Variants in OR2L13 observed in about 807,000 individuals in gnomAD.
OR2L13 encodes olfactory receptor 2L13.
OR2L13 carries 14 observed loss-of-function variants against 15.3 expected under a neutral mutation model. That is an observed-to-expected ratio of 0.91 (90% confidence interval 0.60 to 1.43). The LOEUF (loss-of-function observed/expected upper bound fraction) is 1.43. OR2L13 is among the 40% of genes most tolerant of loss of function. OR2L13 has a pLI of 0.00. For synonymous variants in OR2L13, 152 were observed against 142.9 expected (o/e 1.06, Z -0.45); for missense variants, 367 against 387.9 (o/e 0.95, Z 0.45).
chr1:248,038,888 G>A, the OR2L13 span: 9 of 1,613,978 alleles, frequency 5.6e-6, no homozygotes, highest in African/African-American at 2.7e-5. Context: ...TCTTTCTTGT[G>A]CTTCCTTTCA....
upstream of OR2L13, among the ~76,000 whole-genome samples, chr1:248,092,728 A>G (rs142531210): frequency 3.9e-5 from 6 of 152,322 alleles, no homozygotes; most frequent in African/African-American, 9.6e-5. Flanking sequence ...TCATGGAGAC[A>G]CCATCACAGA....
chr1:247,971,988 T>G, the OR2L13 span, among the ~76,000 whole-genome samples: 1 of 152,158 alleles, frequency 6.6e-6, no homozygotes, highest in Non-Finnish European at 1.5e-5. Flanking sequence ...TACAACTACA[T>G]GGAAACTGAA....
the OR2L13 span, among the ~76,000 whole-genome samples, chr1:247,989,360 C>A: frequency 6.6e-6 from 1 of 152,022 alleles, no homozygotes; most frequent in East Asian, 1.9e-4. Flanking sequence ...AAAAAATCAT[C>A]CTGAAAAAGT....
At chr1:247,966,795 T>A in the OR2L13 span, among the ~76,000 whole-genome samples, 1 of 152,206 alleles carries the variant, frequency 6.6e-6, no homozygotes, top group Non-Finnish European at 1.5e-5. Flanking sequence ...CATGCTTGAT[T>A]AATAATGTTT....
chr1:248,037,205 AAAT>A, the OR2L13 span, among the ~76,000 whole-genome samples: 1 of 152,198 alleles, frequency 6.6e-6, no homozygotes, highest in African/African-American at 2.4e-5. Context: ...TAGAAGAACC[AAAT>A]AATGATGTCT....
the OR2L13 span, among the ~76,000 whole-genome samples, chr1:247,994,374 G>A: frequency 2.6e-5 from 4 of 152,126 alleles, no homozygotes; most frequent in Non-Finnish European, 5.9e-5. Flanking sequence ...TCCAGCCGGG[G>A]CGACAGAGCG....
chr1:248,015,060 G>A, the OR2L13 span, among the ~76,000 whole-genome samples: 1 of 152,094 alleles, frequency 6.6e-6, no homozygotes, highest in African/African-American at 2.4e-5. Flanking sequence ...ATGCACTATC[G>A]TGGACCTCAA....
the OR2L13 span, among the ~76,000 whole-genome samples, chr1:248,071,727 C>G: frequency 6.7e-6 from 1 of 150,084 alleles, no homozygotes; most frequent in African/African-American, 2.5e-5. Flanking sequence ...TCTAGAAAAC[C>G]CCATTGTCTC....
the OR2L13 span, chr1:247,974,882 C>A: frequency 4.1e-6 from 1 of 244,330 alleles, no homozygotes; most frequent in Non-Finnish European, 9.1e-6. Flanking sequence ...TGATCCTTCT[C>A]ATCTTCTTGG....
At chr1:248,013,258 A>G in the OR2L13 span, among the ~76,000 whole-genome samples, 4 of 152,190 alleles carry the variant, frequency 2.6e-5, no homozygotes, top group Non-Finnish European at 5.9e-5. Context: ...CTTGCTATAA[A>G]TGCAGTGAAT....
chr1:247,965,851 CA>C, the OR2L13 span: 4 of 1,613,762 alleles, frequency 2.5e-6, no homozygotes, highest in Non-Finnish European at 3.4e-6. Flanking sequence ...TGCTTTCATA[CA>C]TACATTGTAT....
chr1:247,957,101 T>G, the OR2L13 span, among the ~76,000 whole-genome samples: 3 of 152,166 alleles, frequency 2.0e-5, no homozygotes, highest in African/African-American at 4.8e-5. Context: ...TAGCTCTTAT[T>G]ATTTTGAGAT....
chr1:248,060,531 C>T, the OR2L13 span: 2 of 635,116 alleles, frequency 3.1e-6, no homozygotes, highest in South Asian at 2.1e-5. Flanking sequence ...TATGTGTGGA[C>T]AGAAAATAAT....
At chr1:248,019,628 C>T in the OR2L13 span, among the ~76,000 whole-genome samples, 1 of 152,114 alleles carries the variant, frequency 6.6e-6, no homozygotes, top group African/African-American at 2.4e-5. Context: ...AAACACCGTC[C>T]CTTCCCAACT....
the OR2L13 span, among the ~76,000 whole-genome samples, chr1:248,028,506 TAATG>T: frequency 6.6e-6 from 1 of 152,266 alleles, no homozygotes; most frequent in Non-Finnish European, 1.5e-5. Context: ...CTGTTTGACT[TAATG>T]AATAATTCAA....
At chr1:248,091,859 T>C (rs188617302), upstream of OR2L13, among the ~76,000 whole-genome samples, 14 of 152,326 alleles carry the variant, frequency 9.2e-5, no homozygotes, top group Admixed American at 8.5e-4. Context: ...AGGAATAGCA[T>C]TGAATCTGTA....
chr1:247,976,849 C>T, the OR2L13 span, among the ~76,000 whole-genome samples: 1 of 152,168 alleles, frequency 6.6e-6, no homozygotes, highest in African/African-American at 2.4e-5. Flanking sequence ...TTTGAAAAGG[C>T]AGTCCTTCAT....
chr1:247,959,110 C>T, the OR2L13 span, among the ~76,000 whole-genome samples: 1 of 152,160 alleles, frequency 6.6e-6, no homozygotes, highest in East Asian at 1.9e-4. Context: ...TTAGTGCTTC[C>T]TTCAGGAGCT....
chr1:248,007,803 G>T, the OR2L13 span, among the ~76,000 whole-genome samples: 1 of 151,956 alleles, frequency 6.6e-6, no homozygotes, highest in African/African-American at 2.4e-5. Context: ...TGTGCATTTA[G>T]AAATTTCTTA....
Sources: gnomAD v4.1 joint callset for allele counts (sites outside exome capture counted in the v4.1 genomes callset) on GRCh38, gnomAD v4.1.1 for gene constraint, MANE v1.5 for transcripts, NCBI Gene and HGNC (gene_info 2026-07-23, HGNC 2026-07-21) for gene names.